The following PIEZO2 variants were observed in gnomAD, a reference collection of about 807,000 sequenced individuals.
PIEZO2 encodes piezo-type mechanosensitive ion channel component 2.
PIEZO2 carries 172 observed loss-of-function variants against 337.3 expected under a neutral mutation model. The ratio of observed to expected loss-of-function variants is 0.51; its 90% CI spans 0.45 to 0.58. The LOEUF (loss-of-function observed/expected upper bound fraction) is 0.58. PIEZO2 is among the 20% of genes least tolerant of loss of function. The pLI, the probability that PIEZO2 is intolerant of heterozygous loss-of-function variation, is 0.00. For synonymous variants in PIEZO2, 1,251 were observed against 1,228.5 expected (o/e 1.02, Z -0.38); for missense variants, 3,028 against 3,391.3 (o/e 0.89, Z 2.66).
chr18:11,019,987 A>G (rs1258376484), intron 2 of PIEZO2, among the ~76,000 whole-genome samples: 1 of 152,198 alleles, frequency 6.6e-6, no homozygotes, highest in African/African-American at 2.4e-5. Flanking sequence ...TAATGAGTGC[A>G]TGAACTCTCT....
At chr18:10,860,237 G>A (rs1438860558) in intron 5 of PIEZO2, among the ~76,000 whole-genome samples, 1 of 152,140 alleles carries the variant, frequency 6.6e-6, no homozygotes, top group Admixed American at 6.5e-5. Flanking sequence ...GTTACCTGGA[G>A]GGAATACAGA....
chr18:10,697,921 G>A (rs1364531215), intron 44 of PIEZO2, 41 bp from the exon 45 acceptor site: 3 of 1,564,008 alleles, frequency 1.9e-6, no homozygotes, highest in East Asian at 4.7e-5. Context: ...GGTGGAGCCT[G>A]GGGTTTGTTC....
intron 3 of PIEZO2, among the ~76,000 whole-genome samples, chr18:10,934,828 C>T (rs1031863679): frequency 3.3e-5 from 5 of 152,150 alleles, no homozygotes; most frequent in African/African-American, 9.7e-5. Flanking sequence ...ACTTACCATG[C>T]GGCAGATACT....
rs1264367189 is a variant in PIEZO2, at chr18:10,877,618, T to C, written c.330-6203A>G. ...AAAGACTGGAGGAGATTCTGACTTC[T>C]AACGTCTCCTTTCCCAGCCCTCCCC... On this transcript the variant is annotated intron_variant, in intron 4 of 55. Transcript: ENST00000674853. The surrounding 1 kb of genome is among the most constrained non-coding windows in gnomAD (Gnocchi z 5.3). Among the ~76,000 whole-genome samples the C allele has an allele frequency of 6.6e-6, 1 of 152,184 alleles. No homozygotes were observed. Among genetic ancestry groups the C allele is most frequent in the Non-Finnish European group, 1.5e-5 (1 of 68,028 alleles).
chr18:11,004,537 C>T (rs2035654654), intron 2 of PIEZO2, among the ~76,000 whole-genome samples: 1 of 152,160 alleles, frequency 6.6e-6, no homozygotes, highest in African/African-American at 2.4e-5. Context: ...TGCTCTCCAC[C>T]CAGTTGCCTT....
intron 1 of PIEZO2, among the ~76,000 whole-genome samples, chr18:11,138,416 C>T (rs2040549703): frequency 6.6e-6 from 1 of 152,218 alleles, no homozygotes. Context: ...ATGCCTCAGC[C>T]TCCCGAGTAG....
intron 7 of PIEZO2, among the ~76,000 whole-genome samples, chr18:10,840,740 T>G (rs901062788): frequency 7.2e-5 from 11 of 152,368 alleles, no homozygotes; most frequent in African/African-American, 2.4e-4. Flanking sequence ...GAATTGGATC[T>G]GCTATATGAA....
chr18:10,874,731 T>C (rs2042226840), intron 4 of PIEZO2, among the ~76,000 whole-genome samples: 1 of 152,118 alleles, frequency 6.6e-6, no homozygotes, highest in African/African-American at 2.4e-5. Flanking sequence ...AAAGACAATG[T>C]TCTCATTCAT....
chr18:11,017,989 A>C (rs529703406), intron 2 of PIEZO2, among the ~76,000 whole-genome samples: 1 of 152,282 alleles, frequency 6.6e-6, no homozygotes, highest in Non-Finnish European at 1.5e-5. Context: ...AATAATAACC[A>C]AACAAATAAA....
intron 10 of PIEZO2, among the ~76,000 whole-genome samples, chr18:10,800,746 A>T (rs971624809): frequency 9.9e-5 from 15 of 152,220 alleles, no homozygotes; most frequent in African/African-American, 3.6e-4. Flanking sequence ...TGTCCTCAGT[A>T]TGAAGAGCAA....
chr18:11,109,964 T>A lies in PIEZO2; in HGVS notation c.64+38561A>T, dbSNP rs561969674. The stretch of plus-strand genomic sequence containing the variant: ...CAGACAGAAAGGTAGAGGGCTAGAA[T>A]TGGGACAAAGGTAACATTTGACCAT... On this transcript the variant is annotated intron_variant, in intron 1 of 55. Transcript: ENST00000674853. The surrounding 1 kb of genome is among the most constrained non-coding windows in gnomAD (Gnocchi z 5.1). Among the ~76,000 whole-genome samples, 21 of 152,310 alleles carry A rather than the reference T, an allele frequency of 1.4e-4. No individual in the cohort carries two copies. Among genetic ancestry groups the A allele is most frequent in the Non-Finnish European group, 2.5e-4 (17 of 68,028 alleles).
At chr18:10,703,886 ACG>A (rs2035449727) in intron 42 of PIEZO2, among the ~76,000 whole-genome samples, 2 of 152,188 alleles carry the variant, frequency 1.3e-5, no homozygotes, top group Non-Finnish European at 2.9e-5. Flanking sequence ...CTTTACGTTT[ACG>A]TTTAAAAATG....
intron 7 of PIEZO2, among the ~76,000 whole-genome samples, chr18:10,820,734 T>C (rs1229209635): frequency 1.3e-5 from 2 of 152,220 alleles, no homozygotes; most frequent in Admixed American, 6.5e-5. Flanking sequence ...CTCGATTTTG[T>C]TGTCATTTAA....
chr18:11,081,758 A>C (rs1169800751), intron 1 of PIEZO2, among the ~76,000 whole-genome samples: 7 of 140,836 alleles, frequency 5.0e-5, no homozygotes, highest in African/African-American at 1.8e-4. Flanking sequence ...ACTCAACTCA[A>C]CTTTTTTTTT....
chr18:10,975,538 A>G (rs975392606), intron 3 of PIEZO2, among the ~76,000 whole-genome samples: 9 of 152,170 alleles, frequency 5.9e-5, no homozygotes, highest in African/African-American at 2.2e-4. Flanking sequence ...CGGCACCTTT[A>G]ACAGACCTGC....
rs998656927 is a variant in PIEZO2, at chr18:10,993,773, C to A, written c.161-14113G>T. Reference sequence around the variant, plus strand: ...CGATCTCCTGACTTCGTGATCTGCCCGCTTCGGCCTCCCAAAGTGCTGGGA... The same window carrying A: ...CGATCTCCTGACTTCGTGATCTGCCAGCTTCGGCCTCCCAAAGTGCTGGGA... On this transcript the variant is annotated intron_variant, in intron 2 of 55. Transcript: ENST00000674853. This position sits in a 1 kb window ranked among gnomAD's most constrained non-coding sequence, Gnocchi z 5.0. 6.6e-6 allele frequency among the ~76,000 whole-genome samples: 1 copy of A among 152,110 alleles called. No homozygotes were observed. Among genetic ancestry groups the A allele is most frequent in the Non-Finnish European group, 1.5e-5 (1 of 68,032 alleles).
rs1050014009 is a variant in PIEZO2, at chr18:10,842,668, A to T, written c.917+12685T>A. On this transcript the variant is annotated intron_variant, in intron 7 of 55. Coordinates refer to ENST00000674853, the MANE Select transcript of PIEZO2 (RefSeq NM_001378183.1). ...CCAAATAAACCCCTTTTCTTGATAA[A>T]TTTCCCAGCCTCAGGTATTCCTTCA... Among the ~76,000 whole-genome samples, 26 of 152,224 alleles carry T rather than the reference A, an allele frequency of 1.7e-4. 1 individual carries two copies. Among genetic ancestry groups the T allele is most frequent in the African/African-American group, 6.3e-4 (26 of 41,464 alleles).
chr18:11,084,050 G>A (rs113664742), intron 1 of PIEZO2, among the ~76,000 whole-genome samples: 1 of 151,926 alleles, frequency 6.6e-6, no homozygotes. Context: ...GGTGGTGGGT[G>A]CCTGTAATCC....
chr18:10,781,779 C>A lies in PIEZO2; in HGVS notation c.2493-1413G>T, dbSNP rs2038992213. 1.3e-5 allele frequency among the ~76,000 whole-genome samples: 2 copies of A among 151,990 alleles called. No homozygotes were observed. The highest frequency in any genetic ancestry group is 4.1e-4 in the South Asian group (2 of 4,822). ...TAAGCACATATACACCAACAAGTGA[C>A]ACAACAGGAAAATAAGAGTTGCATA... On this transcript the variant is annotated intron_variant, in intron 17 of 55. Transcript: ENST00000674853. This position sits in a 1 kb window ranked among gnomAD's most constrained non-coding sequence, Gnocchi z 4.1.
Sources: gnomAD v4.1 joint callset for allele counts (sites outside exome capture counted in the v4.1 genomes callset) on GRCh38, gnomAD v4.1.1 for gene constraint, Gnocchi (gnomAD v3.1) non-coding constraint, MANE v1.5 for transcripts, NCBI Gene and HGNC (gene_info 2026-07-23, HGNC 2026-07-21) for gene names.